QTMAN: variants seen among roughly 807,000 people sequenced by gnomAD.
QTMAN encodes the protein tRNA-queuosine alpha-mannosyltransferase.
the QTMAN span, among the ~76,000 whole-genome samples, chr2:144,059,206 C>A: frequency 6.6e-6 from 1 of 152,124 alleles, no homozygotes; most frequent in African/African-American, 2.4e-5. Flanking sequence ...AGTTTTTGTG[C>A]CTCTAGTTTT....
the QTMAN span, chr2:144,141,738 T>C: frequency 1.8e-6 from 1 of 567,214 alleles, no homozygotes; most frequent in Non-Finnish European, 3.2e-6. Context: ...TCTTTGTAAA[T>C]CACAGCATGG....
chr2:144,147,883 T>C, the QTMAN span, among the ~76,000 whole-genome samples: 1 of 151,818 alleles, frequency 6.6e-6, no homozygotes, highest in Admixed American at 6.6e-5. Context: ...CTGCCAAAAA[T>C]GCCTAAGCTG....
chr2:144,018,049 T>C, the QTMAN span, among the ~76,000 whole-genome samples: 1 of 152,166 alleles, frequency 6.6e-6, no homozygotes, highest in East Asian at 1.9e-4. Context: ...ATTCCTCCAT[T>C]TCTATTATGT....
the QTMAN span, among the ~76,000 whole-genome samples, chr2:144,302,613 T>A: frequency 6.6e-6 from 1 of 152,326 alleles, no homozygotes; most frequent in Non-Finnish European, 1.5e-5. Flanking sequence ...TTTCAGTCAA[T>A]ATTCAATAGG....
the QTMAN span, among the ~76,000 whole-genome samples, chr2:144,248,544 A>G: frequency 6.6e-6 from 1 of 152,206 alleles, no homozygotes; most frequent in African/African-American, 2.4e-5. Context: ...TACACATGCC[A>G]CTATCAGCAC....
chr2:144,044,784 G>A, the QTMAN span, among the ~76,000 whole-genome samples: 2 of 152,160 alleles, frequency 1.3e-5, no homozygotes, highest in African/African-American at 2.4e-5. Flanking sequence ...TGATACAGAT[G>A]TACTGGTGTA....
chr2:144,000,111 T>A, the QTMAN span, among the ~76,000 whole-genome samples: 576 of 152,184 alleles, frequency 3.8e-3, 3 homozygotes, highest in Non-Finnish European at 6.2e-3. Flanking sequence ...CTGGTGAGGC[T>A]CTTTCTTTGG....
the QTMAN span, among the ~76,000 whole-genome samples, chr2:144,153,132 G>C: frequency 6.6e-6 from 1 of 152,198 alleles, no homozygotes; most frequent in African/African-American, 2.4e-5. Context: ...AGATAAAACT[G>C]AAACGGTGGC....
chr2:144,265,657 T>C, the QTMAN span, among the ~76,000 whole-genome samples: 2 of 151,964 alleles, frequency 1.3e-5, no homozygotes, highest in South Asian at 2.1e-4. Flanking sequence ...GATCACACCA[T>C]TGCACTCCAG....
the QTMAN span, chr2:144,178,862 T>G: frequency 4.2e-5 from 16 of 383,554 alleles, no homozygotes; most frequent in Admixed American, 5.8e-4. Flanking sequence ...GGAAGCTGGA[T>G]CCAGGCTTCT....
the QTMAN span, among the ~76,000 whole-genome samples, chr2:144,326,166 C>A: frequency 1.1e-4 from 16 of 152,288 alleles, no homozygotes; most frequent in East Asian, 3.1e-3. Context: ...TAATCAAATT[C>A]ATGAAAAACT....
At chr2:144,145,572 C>T in the QTMAN span, 1 of 1,603,876 alleles carries the variant, frequency 6.2e-7, no homozygotes, top group East Asian at 2.2e-5. Context: ...CCATACCTAC[C>T]ATGAAAGAAT....
chr2:144,133,937 G>A, the QTMAN span, among the ~76,000 whole-genome samples: 4 of 152,046 alleles, frequency 2.6e-5, no homozygotes, highest in African/African-American at 7.2e-5. Flanking sequence ...TTATTTCACA[G>A]AGCAAAGGCA....
the QTMAN span, among the ~76,000 whole-genome samples, chr2:144,137,769 T>C: frequency 1.3e-5 from 2 of 151,958 alleles, no homozygotes; most frequent in African/African-American, 4.8e-5. Context: ...CAGAGAGAGA[T>C]CTCATCCAGA....
At chr2:143,951,420 C>T in the QTMAN span, among the ~76,000 whole-genome samples, 1 of 151,476 alleles carries the variant, frequency 6.6e-6, no homozygotes, top group African/African-American at 2.4e-5. Context: ...CACTATTTTC[C>T]CTTTGCCATT....
At chr2:144,014,732 C>T in the QTMAN span, among the ~76,000 whole-genome samples, 1 of 152,184 alleles carries the variant, frequency 6.6e-6, no homozygotes, top group Admixed American at 6.5e-5. Context: ...AAAGGTGCAT[C>T]ATTTCCTGAT....
chr2:144,035,625 A>G, the QTMAN span, among the ~76,000 whole-genome samples: 2 of 152,220 alleles, frequency 1.3e-5, no homozygotes, highest in African/African-American at 4.8e-5. Flanking sequence ...TCACAAGGGA[A>G]TTTAACATTT....
At chr2:144,174,365 T>C in the QTMAN span, among the ~76,000 whole-genome samples, 2 of 152,184 alleles carry the variant, frequency 1.3e-5, no homozygotes, top group African/African-American at 4.8e-5. Context: ...CCCCCCTCAT[T>C]TGGTTCCCTT....
the QTMAN span, among the ~76,000 whole-genome samples, chr2:144,278,847 G>A: frequency 2.0e-5 from 3 of 152,114 alleles, no homozygotes; most frequent in African/African-American, 7.2e-5. Flanking sequence ...GAAATAACTA[G>A]ATGATGATTA....
Sources: allele counts gnomAD v4.1 joint callset (sites outside exome capture counted in the v4.1 genomes callset), GRCh38; gene constraint gnomAD v4.1.1; transcripts MANE v1.5; gene names NCBI Gene and HGNC (gene_info 2026-07-23, HGNC 2026-07-21).